Variants in RYR2 observed in about 807,000 individuals in gnomAD.
RYR2 encodes ryanodine receptor 2.
A neutral mutation model predicts 601.1 loss-of-function variants in RYR2; 227 were observed. The observed-to-expected ratio is 0.38, with a 90% confidence interval of 0.34 to 0.42. The LOEUF (loss-of-function observed/expected upper bound fraction) is 0.42. Ranked by LOEUF, RYR2 falls within the 10% of genes least tolerant of loss-of-function variation. RYR2 has a pLI of 1.00. For synonymous variants in RYR2, 2,223 were observed against 2,175.1 expected (o/e 1.02, Z -0.61); for missense variants, 4,646 against 6,156.5 (o/e 0.75, Z 8.21).
rs772304094 is a variant in RYR2 at position 237,590,632 on chromosome 1, T to G, written c.3808-8T>G. ...TGGAATGTGAACTATCGCTTCTTCG[T>G]TTGCTAGGTGACCAGAATAGACGGC... On this transcript the variant is annotated splice_region_variant and splice_polypyrimidine_tract_variant and intron_variant, in intron 30 of 104. Coordinates refer to ENST00000366574, the MANE Select transcript of RYR2 (RefSeq NM_001035.3). The G allele has an allele frequency of 1.3e-6, 2 of 1,498,682 alleles. No homozygotes were observed. Among genetic ancestry groups the G allele is most frequent in the African/African-American group, 1.4e-5 (1 of 71,508 alleles). The allele number at this position is 1,498,682 out of a possible 1,614,324, so 92.8% of individuals were successfully genotyped here. A position where few individuals can be genotyped will look rare whatever the true frequency, so the allele number is the denominator to read the frequency against.
intron 1 of RYR2, among the ~76,000 whole-genome samples, chr1:237,171,142 G>A (rs1456375778): frequency 1.3e-5 from 2 of 151,498 alleles, no homozygotes; most frequent in African/African-American, 4.9e-5. Flanking sequence ...GCTGAGGCAG[G>A]AGAATTGCTT....
At chr1:237,672,833 G>A (rs766660609) in intron 58 of RYR2, among the ~76,000 whole-genome samples, 3 of 152,102 alleles carry the variant, frequency 2.0e-5, no homozygotes, top group Non-Finnish European at 4.4e-5. Context: ...ATACTGTGAA[G>A]TACCTGAATT....
At chr1:237,723,642 A>G (rs1431192681) in intron 74 of RYR2, among the ~76,000 whole-genome samples, 1 of 152,120 alleles carries the variant, frequency 6.6e-6, no homozygotes, top group African/African-American at 2.4e-5. Context: ...TTGAGATATT[A>G]TCTTTTACCG....
intron 1 of RYR2, among the ~76,000 whole-genome samples, chr1:237,071,086 T>A (rs73133361): frequency 7.8e-4 from 119 of 152,354 alleles, no homozygotes; most frequent in African/African-American, 2.8e-3. Flanking sequence ...GGTATGCAGA[T>A]AACTGGTGGG....
intron 12 of RYR2, among the ~76,000 whole-genome samples, chr1:237,435,297 T>A (rs1046467146): frequency 4.6e-5 from 7 of 152,212 alleles, no homozygotes; most frequent in South Asian, 4.1e-4. Flanking sequence ...GCTGTTTTTT[T>A]ATCTTTATTA....
intron 51 of RYR2, among the ~76,000 whole-genome samples, chr1:237,652,542 C>CA (rs1223759289): frequency 2.6e-5 from 4 of 152,102 alleles, no homozygotes; most frequent in African/African-American, 9.7e-5. Flanking sequence ...GGAGCTGTTA[C>CA]AGTAAGCATC....
At chr1:237,605,902 T>C (rs1321734582) in intron 35 of RYR2, among the ~76,000 whole-genome samples, 1 of 151,098 alleles carries the variant, frequency 6.6e-6, no homozygotes, top group African/African-American at 2.4e-5. Context: ...AAACCACTGC[T>C]CAATGAAATA....
chr1:237,085,712 G>A (rs967865783), intron 1 of RYR2, among the ~76,000 whole-genome samples: 2 of 152,194 alleles, frequency 1.3e-5, no homozygotes, highest in African/African-American at 2.4e-5. Context: ...GGAGAAGAGA[G>A]CTATTCAGAC....
intron 15 of RYR2, among the ~76,000 whole-genome samples, chr1:237,455,046 A>G (rs1171725760): frequency 1.3e-5 from 2 of 152,160 alleles, no homozygotes; most frequent in Non-Finnish European, 2.9e-5. Context: ...GCTGAGCTCC[A>G]GGAACCCTAC....
intron 12 of RYR2, among the ~76,000 whole-genome samples, chr1:237,436,454 CTT>C (rs551140501): frequency 5.1e-4 from 25 of 48,728 alleles, no homozygotes; most frequent in African/African-American, 9.8e-4. Context: ...TGTGATTTTC[CTT>C]TTTTTTTTTT....
At chr1:237,431,839 G>A (rs1168843356) in intron 12 of RYR2, among the ~76,000 whole-genome samples, 1 of 152,140 alleles carries the variant, frequency 6.6e-6, no homozygotes, top group Non-Finnish European at 1.5e-5. Flanking sequence ...CCTGGCCAAA[G>A]TACTCTTCAG....
intron 1 of RYR2, among the ~76,000 whole-genome samples, chr1:237,084,134 A>T (rs1007930336): frequency 1.3e-5 from 2 of 152,056 alleles, no homozygotes; most frequent in African/African-American, 4.8e-5. Context: ...CTCTTTGAAG[A>T]TCTAATTCAC....
intron 1 of RYR2, among the ~76,000 whole-genome samples, chr1:237,091,852 G>C (rs1365939035): frequency 6.6e-6 from 1 of 152,198 alleles, no homozygotes; most frequent in Non-Finnish European, 1.5e-5. Flanking sequence ...ACCAGCCAGA[G>C]CATTCCTAGA....
At chr1:237,473,771 A>G (rs1661054343) in intron 17 of RYR2, among the ~76,000 whole-genome samples, 1 of 152,052 alleles carries the variant, frequency 6.6e-6, no homozygotes, top group Non-Finnish European at 1.5e-5. Context: ...GCTGCAGCCT[A>G]CAGGTTGCTG....
chr1:237,349,109 A>C (rs1429736918), intron 3 of RYR2, among the ~76,000 whole-genome samples: 1 of 152,214 alleles, frequency 6.6e-6, no homozygotes, highest in East Asian at 1.9e-4. Context: ...ATTCAAGATT[A>C]CTGTCAATCC....
chr1:237,226,965 C>T (rs1684431903), intron 1 of RYR2, among the ~76,000 whole-genome samples: 1 of 152,150 alleles, frequency 6.6e-6, no homozygotes, highest in African/African-American at 2.4e-5. Flanking sequence ...GATCTGGTTT[C>T]ACCATGTTGG....
intron 1 of RYR2, among the ~76,000 whole-genome samples, chr1:237,223,963 G>A (rs759673638): frequency 7.2e-5 from 11 of 152,122 alleles, no homozygotes; most frequent in Non-Finnish European, 1.3e-4. Flanking sequence ...ATTATTGTTA[G>A]TTCATTATTC....
At chr1:237,213,634 T>C (rs1160037511) in intron 1 of RYR2, among the ~76,000 whole-genome samples, 3 of 152,180 alleles carry the variant, frequency 2.0e-5, no homozygotes, top group African/African-American at 7.2e-5. Context: ...GATAAGATTA[T>C]TTACCCTTAG....
chr1:237,219,309 C>T (rs928653792), intron 1 of RYR2, among the ~76,000 whole-genome samples: 16 of 152,178 alleles, frequency 1.1e-4, no homozygotes, highest in African/African-American at 3.1e-4. Context: ...TGAGCCACTG[C>T]ACCCGGCCTA....
Sources: allele counts gnomAD v4.1 joint callset (sites outside exome capture counted in the v4.1 genomes callset), GRCh38; gene constraint gnomAD v4.1.1; transcripts MANE v1.5; gene names NCBI Gene and HGNC (gene_info 2026-07-23, HGNC 2026-07-21).